The following ZDHHC14 variants were observed in gnomAD, a reference collection of about 807,000 sequenced individuals.
ZDHHC14 encodes zDHHC palmitoyltransferase 14, also known as palmitoyltransferase ZDHHC14.
A neutral mutation model predicts 47.7 loss-of-function variants in ZDHHC14; 16 were observed. The observed-to-expected ratio is 0.34, with a 90% CI of 0.23 to 0.51. The LOEUF is 0.51. Ranked by LOEUF, ZDHHC14 falls within the 20% of genes least tolerant of loss-of-function variation. ZDHHC14 has a pLI of 0.97. For synonymous variants in ZDHHC14, 293 were observed against 278.9 expected, an observed-to-expected ratio of 1.05 and a Z score of -0.50; for missense variants, 515 against 662.5, an observed-to-expected ratio of 0.78 and a Z score of 2.44.
intron 2 of ZDHHC14, among the ~76,000 whole-genome samples, chr6:157,588,140 G>A (rs1783765168): frequency 6.6e-6 from 1 of 152,062 alleles, no homozygotes; most frequent in Non-Finnish European, 1.5e-5. Flanking sequence ...CACACCTGTA[G>A]TCCCAGCTAC....
rs1225012671 is a variant in ZDHHC14 at position 157,387,920 on chromosome 6, A to G, written c.245+5654A>G. 6.6e-5 allele frequency among the ~76,000 whole-genome samples: 10 copies of G among 152,062 alleles called. No individual in the cohort carries two copies. In the East Asian group the frequency reaches 1.7e-3, roughly 26 times the overall value. The stretch of plus-strand genomic sequence containing the variant: ...AACCTCTGTACATTAATAAAAATTT[A>G]TGATTAATAATGTCTTGTAGAACAC... On this transcript the variant is annotated intron_variant, in intron 1 of 8. Coordinates refer to ENST00000359775, the MANE Select transcript of ZDHHC14 (RefSeq NM_024630.3).
rs901918336 is a variant in ZDHHC14 at position 157,463,410 on chromosome 6, A to G, written c.246-79175A>G. On this transcript the variant is annotated intron_variant, in intron 1 of 8. Transcript: ENST00000359775. This position sits in a 1 kb window ranked among gnomAD's most constrained non-coding sequence, Gnocchi z 4.4. ...AATGAGCTATTATTATTATTTTAAG[A>G]CCTCCAGAGGTCTTAAAAGCACCCC... 6.6e-6 allele frequency among the ~76,000 whole-genome samples: 1 copy of G among 151,684 alleles called. No individual in the cohort carries two copies.
intron 1 of ZDHHC14, among the ~76,000 whole-genome samples, chr6:157,412,675 C>T (rs1450055093): frequency 6.6e-6 from 1 of 152,204 alleles, no homozygotes; most frequent in East Asian, 1.9e-4. Context: ...GGTGGTACAA[C>T]TCAAGTACTT....
intron 1 of ZDHHC14, among the ~76,000 whole-genome samples, chr6:157,475,238 GTTTT>G (rs1225552780): frequency 2.0e-5 from 3 of 152,118 alleles, no homozygotes; most frequent in African/African-American, 7.2e-5. Flanking sequence ...CAATATGTCT[GTTTT>G]TATGCCAGTA....
intron 1 of ZDHHC14, among the ~76,000 whole-genome samples, chr6:157,449,848 CG>C (rs1297673582): frequency 5.3e-5 from 8 of 152,128 alleles, no homozygotes; most frequent in Admixed American, 2.6e-4. Context: ...TTCCCCAGTA[CG>C]TTGATGGGCT....
rs1427802690 is a variant in ZDHHC14 at position 157,586,494 on chromosome 6, A to T, written c.407-6494A>T. Reference sequence around the variant, plus strand: ...GCTCCATGGAAGATCGTGCAAGGAGAGAGAAGGTTCATGGATTGTGTGCTG... The same window carrying T: ...GCTCCATGGAAGATCGTGCAAGGAGTGAGAAGGTTCATGGATTGTGTGCTG... On this transcript the variant is annotated intron_variant, in intron 2 of 8. Coordinates refer to ENST00000359775, the MANE Select transcript of ZDHHC14 (RefSeq NM_024630.3). This position sits in a 1 kb window ranked among gnomAD's most constrained non-coding sequence, Gnocchi z 4.6. Among the ~76,000 whole-genome samples, 1 of 152,136 alleles carries T rather than the reference A, an allele frequency of 6.6e-6. No homozygotes were observed. The highest frequency in any genetic ancestry group is 1.5e-5 in the Non-Finnish European group (1 of 68,038).
At chr6:157,491,846 CTG>C (rs1418095132) in intron 1 of ZDHHC14, among the ~76,000 whole-genome samples, 2 of 152,202 alleles carry the variant, frequency 1.3e-5, no homozygotes, top group African/African-American at 4.8e-5. Flanking sequence ...TAATGACAGT[CTG>C]TGAGTGGCCA....
At chr6:157,416,095 T>C (rs1409394151) in intron 1 of ZDHHC14, among the ~76,000 whole-genome samples, 1 of 152,174 alleles carries the variant, frequency 6.6e-6, no homozygotes, top group Non-Finnish European at 1.5e-5. Flanking sequence ...CCCTGGCAGG[T>C]AACAGCCATG....
At position 157,540,910 on chromosome 6, in the gene ZDHHC14, G is replaced by GTGTA. The variant is rs1284429244; in HGVS notation, c.246-1674_246-1673insGTAT. 1.6e-3 allele frequency among the ~76,000 whole-genome samples: 201 copies of GTGTA among 122,970 alleles called. 3 individuals are homozygous for GTGTA. Among genetic ancestry groups the GTGTA allele is most frequent in the African/African-American group, 5.7e-3 (131 of 23,060 alleles). The allele number at this position is 122,970 out of a possible 152,430, so 80.7% of individuals were successfully genotyped here. ...TGTATGTGTGTGTGTGTGTGTGTGTGTATATATATATATATATATATATAA... is the reference window on the plus strand; with the variant it reads ...TGTATGTGTGTGTGTGTGTGTGTGTGTGTATATATATATATATATATATATATAA... On this transcript the variant is annotated intron_variant, in intron 1 of 8. Coordinates refer to ENST00000359775, the MANE Select transcript of ZDHHC14 (RefSeq NM_024630.3).
At chr6:157,565,593 C>T (rs985920317) in intron 2 of ZDHHC14, among the ~76,000 whole-genome samples, 9 of 151,952 alleles carry the variant, frequency 5.9e-5, no homozygotes, top group Admixed American at 2.6e-4. Context: ...CCGAGGCGGG[C>T]GGATCACCTG....
intron 1 of ZDHHC14, among the ~76,000 whole-genome samples, chr6:157,396,139 G>T (rs1281850070): frequency 6.6e-6 from 1 of 151,962 alleles, no homozygotes; most frequent in East Asian, 1.9e-4. Flanking sequence ...CATGTACCAG[G>T]ATGTTCACCC....
At chr6:157,647,682 GT>G (rs1777630896) in intron 7 of ZDHHC14, among the ~76,000 whole-genome samples, 1 of 152,252 alleles carries the variant, frequency 6.6e-6, no homozygotes, top group South Asian at 2.1e-4. Context: ...GCAGGGAGCT[GT>G]GGTTAGCATC....
chr6:157,602,933 A>G (rs112109903), intron 3 of ZDHHC14, among the ~76,000 whole-genome samples: 2,468 of 152,272 alleles, frequency 0.016, 59 homozygotes, highest in African/African-American at 0.055. Flanking sequence ...AATCAATCAA[A>G]CAATCTAATC....
At chr6:157,515,342 A>T (rs1441263610) in intron 1 of ZDHHC14, among the ~76,000 whole-genome samples, 2 of 151,654 alleles carry the variant, frequency 1.3e-5, no homozygotes, top group South Asian at 4.2e-4. Context: ...AGTGTAACTG[A>T]TTGCATTCCA....
intron 1 of ZDHHC14, among the ~76,000 whole-genome samples, chr6:157,488,886 G>A (rs1022392543): frequency 3.9e-5 from 6 of 152,196 alleles, no homozygotes; most frequent in Admixed American, 1.3e-4. Context: ...CCTTAGTGTC[G>A]CTGGTGTGTC....
intron 3 of ZDHHC14, among the ~76,000 whole-genome samples, chr6:157,596,913 A>G (rs1236124668): frequency 2.0e-5 from 3 of 152,196 alleles, no homozygotes; most frequent in Non-Finnish European, 2.9e-5. Flanking sequence ...TTCACAAAGT[A>G]GTAGGAATCG....
intron 1 of ZDHHC14, among the ~76,000 whole-genome samples, chr6:157,420,575 G>C (rs976484475): frequency 6.6e-6 from 1 of 152,212 alleles, no homozygotes; most frequent in Non-Finnish European, 1.5e-5. Flanking sequence ...TGATGAAGGA[G>C]AGGAGGTGTA....
intron 1 of ZDHHC14, among the ~76,000 whole-genome samples, chr6:157,408,053 G>A (rs879928277): frequency 7.9e-5 from 12 of 152,188 alleles, no homozygotes; most frequent in African/African-American, 2.2e-4. Flanking sequence ...TATTAATGAC[G>A]ATGAATCTTT....
intron 1 of ZDHHC14, among the ~76,000 whole-genome samples, chr6:157,404,000 A>G (rs931275673): frequency 3.3e-5 from 5 of 152,242 alleles, no homozygotes; most frequent in African/African-American, 9.6e-5. Context: ...AAGGGCTGGT[A>G]GCTTACTTAA....
Sources: allele counts gnomAD v4.1 joint callset (sites outside exome capture counted in the v4.1 genomes callset), GRCh38; gene constraint gnomAD v4.1.1; non-coding constraint Gnocchi (gnomAD v3.1); transcripts MANE v1.5; gene names NCBI Gene and HGNC (gene_info 2026-07-23, HGNC 2026-07-21).